The following TBC1D12 variants were observed in gnomAD, a reference collection of about 807,000 sequenced individuals.
The protein encoded by TBC1D12 is TBC1 domain family, member 12.
A neutral mutation model predicts 86.7 loss-of-function variants in TBC1D12; 56 were observed. That is an observed-to-expected ratio of 0.65 (90% confidence interval 0.52 to 0.81). The LOEUF is 0.81. TBC1D12 is among the 30% of genes least tolerant of loss of function. The pLI is 0.00. For missense variants in TBC1D12, 1,023 were observed against 1,038.8 expected (o/e 0.98, Z 0.21); for synonymous variants, 421 against 411.7 (o/e 1.02, Z -0.27).
At position 94,533,610 on chromosome 10, in the gene TBC1D12, T is replaced by C. The variant is rs2134242491; in HGVS notation, c.*514T>C. The C allele has an allele frequency of 6.6e-6, 1 of 152,352 alleles. No individual in the cohort carries two copies. Among genetic ancestry groups the C allele is most frequent in the South Asian group, 2.1e-4 (1 of 4,828 alleles). 9.4% of individuals were successfully genotyped at this position (152,352 alleles called of 1,614,324 possible). A position where few individuals can be genotyped will look rare whatever the true frequency, so the allele number is the denominator to read the frequency against. ...TCACTGAAGATGTCATTTATCTTCA[T>C]TCACAAGTTGGGGCAAATTCGAGTT... On this transcript the variant is annotated 3_prime_UTR_variant, in exon 13 of 13. Coordinates refer to ENST00000225235, the MANE Select transcript of TBC1D12 (RefSeq NM_015188.2).
intron 1 of TBC1D12, among the ~76,000 whole-genome samples, chr10:94,420,382 C>T (rs1278278306): frequency 2.0e-5 from 3 of 152,186 alleles, no homozygotes; most frequent in South Asian, 2.1e-4. Flanking sequence ...GTTATAGCAA[C>T]GTGAGCTAAG....
chr10:94,524,669 T>C (rs1283795753), intron 11 of TBC1D12, among the ~76,000 whole-genome samples: 1 of 150,422 alleles, frequency 6.6e-6, no homozygotes, highest in Non-Finnish European at 1.5e-5. Flanking sequence ...AACCAGGGAG[T>C]TGGAGGTTGC....
chr10:94,492,096 G>A (rs1030031304), intron 3 of TBC1D12, among the ~76,000 whole-genome samples: 9 of 152,142 alleles, frequency 5.9e-5, no homozygotes, highest in African/African-American at 1.9e-4. Context: ...AAATTTATGG[G>A]TGGAAGATAT....
intron 1 of TBC1D12, among the ~76,000 whole-genome samples, chr10:94,430,612 AGAAAT>A (rs1453354977): frequency 1.3e-5 from 2 of 152,216 alleles, no homozygotes; most frequent in Non-Finnish European, 2.9e-5. Flanking sequence ...GTGTGATAAA[AGAAAT>A]GAAGAAATTT....
chr10:94,517,362 AGCG>A (rs1842025512), intron 9 of TBC1D12, among the ~76,000 whole-genome samples: 1 of 152,230 alleles, frequency 6.6e-6, no homozygotes, highest in East Asian at 1.9e-4. Context: ...TGGGTGACAG[AGCG>A]AGACTCTGTC....
chr10:94,417,581 G>A (rs904155872), intron 1 of TBC1D12, among the ~76,000 whole-genome samples: 1 of 152,128 alleles, frequency 6.6e-6, no homozygotes, highest in African/African-American at 2.4e-5. Flanking sequence ...AACCCTGGAG[G>A]TGTAAAATTG....
At chr10:94,497,430 A>G (rs1012907146) in intron 5 of TBC1D12, among the ~76,000 whole-genome samples, 3 of 149,414 alleles carry the variant, frequency 2.0e-5, no homozygotes, top group African/African-American at 4.9e-5. Flanking sequence ...AAATTTCCAT[A>G]TTTGCATCTG....
intron 9 of TBC1D12, among the ~76,000 whole-genome samples, chr10:94,514,557 T>C (rs981774560): frequency 1.3e-5 from 2 of 152,224 alleles, no homozygotes. Context: ...CTTAGCATAA[T>C]GTTCTCCAGT....
chr10:94,525,357 A>G (rs1842260390), intron 11 of TBC1D12, among the ~76,000 whole-genome samples: 2 of 152,158 alleles, frequency 1.3e-5, no homozygotes, highest in Non-Finnish European at 2.9e-5. Context: ...CATGCCTGTA[A>G]TCCTAGCACT....
At chr10:94,491,509 G>A (rs188842406) in intron 3 of TBC1D12, among the ~76,000 whole-genome samples, 2 of 152,320 alleles carry the variant, frequency 1.3e-5, no homozygotes, top group African/African-American at 4.8e-5. Context: ...ATACGGTGTA[G>A]TAGTTACCCC....
chr10:94,493,384 G>A lies in TBC1D12; in HGVS notation c.1231G>A (p.Val411Met), dbSNP rs200855397. ...DRPSNLPAKS[V>M]EEALRHRQEY... ...TTCCAGAAATCTTCCTGCCAAATCTGTGGAAGAAGCTTTACGTCACCGACA... is the reference window on the plus strand; with the variant it reads ...TTCCAGAAATCTTCCTGCCAAATCTATGGAAGAAGCTTTACGTCACCGACA... The change falls in exon 4 of 13, where the codon GTG becomes ATG. Residue 411 changes from valine to methionine, a missense_variant. Coordinates refer to ENST00000225235, the MANE Select transcript of TBC1D12 (RefSeq NM_015188.2). The A allele has an allele frequency of 2.2e-5, 35 of 1,611,440 alleles. No individual in the cohort carries two copies. In the African/African-American group the frequency reaches 4.0e-4, roughly 18 times the overall value.
At chr10:94,408,185 A>G (rs2054882324) in intron 1 of TBC1D12, among the ~76,000 whole-genome samples, 1 of 151,938 alleles carries the variant, frequency 6.6e-6, no homozygotes, top group African/African-American at 2.4e-5. Flanking sequence ...GGTAGTGCTG[A>G]TTTTTTTTCC....
At chr10:94,404,983 G>A (rs1348962105) in intron 1 of TBC1D12, among the ~76,000 whole-genome samples, 2 of 151,284 alleles carry the variant, frequency 1.3e-5, no homozygotes, top group Non-Finnish European at 2.9e-5. Flanking sequence ...GAAGGCGGAG[G>A]TTGCTGTGAG....
At chr10:94,481,739 A>G (rs2056080794) in intron 3 of TBC1D12, among the ~76,000 whole-genome samples, 1 of 149,480 alleles carries the variant, frequency 6.7e-6, no homozygotes, top group Non-Finnish European at 1.5e-5. Flanking sequence ...TTACCATTAC[A>G]TTCTCCACTT....
chr10:94,479,090 A>G (rs1244889191), intron 3 of TBC1D12, among the ~76,000 whole-genome samples: 1 of 152,256 alleles, frequency 6.6e-6, no homozygotes, highest in East Asian at 1.9e-4. Flanking sequence ...TCAGAAAAAC[A>G]AATCAATGTA....
chr10:94,523,246 T>G (rs1842204143), intron 11 of TBC1D12, among the ~76,000 whole-genome samples: 1 of 139,450 alleles, frequency 7.2e-6, no homozygotes, highest in Non-Finnish European at 1.6e-5. Flanking sequence ...GAAATCAGAA[T>G]CTCTCAGTTT....
At chr10:94,530,853 C>G (rs1248970439) in intron 11 of TBC1D12, among the ~76,000 whole-genome samples, 1 of 138,384 alleles carries the variant, frequency 7.2e-6, no homozygotes, top group Admixed American at 7.4e-5. Flanking sequence ...AGGGAGGAAG[C>G]CTTTTTTTTT....
intron 9 of TBC1D12, among the ~76,000 whole-genome samples, chr10:94,519,015 C>G (rs868581687): frequency 7.9e-5 from 12 of 152,070 alleles, no homozygotes; most frequent in Non-Finnish European, 1.8e-4. Flanking sequence ...GGGAAGGTTG[C>G]GGTGAGCCAA....
chr10:94,459,941 C>T (rs1250894369), intron 2 of TBC1D12, among the ~76,000 whole-genome samples: 1 of 152,208 alleles, frequency 6.6e-6, no homozygotes, highest in Non-Finnish European at 1.5e-5. Context: ...CAGAGAGGGG[C>T]TCCCACAGTG....
Sources: allele counts gnomAD v4.1 joint callset (sites outside exome capture counted in the v4.1 genomes callset), GRCh38; gene constraint gnomAD v4.1.1; transcripts MANE v1.5; gene names NCBI Gene and HGNC (gene_info 2026-07-23, HGNC 2026-07-21).